HAUS8: variants seen among roughly 807,000 people sequenced by gnomAD.
The protein encoded by HAUS8 is HAUS augmin like complex subunit 8, also known as HAUS augmin-like complex subunit 8.
Under a neutral mutation model 42.9 loss-of-function variants are expected in HAUS8, and 38 were observed. The ratio of observed to expected loss-of-function variants is 0.89; its 90% confidence interval spans 0.68 to 1.16. The LOEUF (loss-of-function observed/expected upper bound fraction) is 1.16. Ranked by LOEUF, HAUS8 falls within the 50% of genes most tolerant of loss-of-function variation. The pLI is 0.00. For missense variants in HAUS8, 494 were observed against 511.6 expected (o/e 0.97, Z 0.33); for synonymous variants, 199 against 205.8 (o/e 0.97, Z 0.28).
intron 2 of HAUS8, among the ~76,000 whole-genome samples, chr19:17,071,017 C>T (rs547297019): frequency 6.6e-6 from 1 of 151,538 alleles, no homozygotes; most frequent in South Asian, 2.1e-4. Flanking sequence ...CTGCAGTGAG[C>T]CGAGATCGTG....
chr19:17,065,972 T>TAAA (rs61226830), intron 3 of HAUS8, among the ~76,000 whole-genome samples: 53 of 140,404 alleles, frequency 3.8e-4, no homozygotes, highest in Non-Finnish European at 5.0e-4. Flanking sequence ...TCTTATCTTC[T>TAAA]AAAAAAAAAA....
intron 3 of HAUS8, among the ~76,000 whole-genome samples, chr19:17,064,408 G>A (rs902327754): frequency 3.9e-5 from 6 of 152,204 alleles, no homozygotes; most frequent in Non-Finnish European, 8.8e-5. Context: ...AAAGGAACGA[G>A]AAGAGACTAA....
At chr19:17,054,520 C>T (rs1051833318) in intron 9 of HAUS8, among the ~76,000 whole-genome samples, 5 of 151,782 alleles carry the variant, frequency 3.3e-5, no homozygotes, top group Admixed American at 6.6e-5. Context: ...TAGCCAGGTG[C>T]GCCAGGAGCA....
Position 17,055,969 on chromosome 19 carries a change from T to G in HAUS8, c.679A>C (p.Thr227Pro). ...EMLSPFEAVA[T>P]RFKEQYRTFA... ...GTCCTGTATTGCTCCTTGAAGCGTG[T>G]GGCCACTGCCTCGAAGGGGCTGAGC... is the stretch of plus-strand genomic sequence containing the variant. Residue 227 changes from threonine to proline, a missense_variant, in exon 9 of 11, where the codon ACA (threonine) becomes CCA (proline). By Grantham distance (38) the Thr-to-Pro change is conservative (BLOSUM62 -1). Transcript: ENST00000253669. 6.2e-7 allele frequency: 1 copy of G among 1,614,164 alleles called. No homozygotes were observed. Among genetic ancestry groups the G allele is most frequent in the African/African-American group, 1.3e-5 (1 of 75,062 alleles).
At position 17,051,092 on chromosome 19, in the gene HAUS8, C is replaced by T. The variant is rs183031428; in HGVS notation, c.930-916G>A. Among the ~76,000 whole-genome samples, 32 of 152,114 alleles carry T rather than the reference C, an allele frequency of 2.1e-4. No individual in the cohort carries two copies. The Middle Eastern group carries it at 0.017, about 81-fold the overall frequency. On this transcript the variant is annotated intron_variant, in intron 10 of 10. Transcript: ENST00000253669. ...ATAATAATCCCCAATGTGGCAGCAGCGAGAGGTGGGGCCTTTAAGAGGTAA... is the reference window on the plus strand; with the variant it reads ...ATAATAATCCCCAATGTGGCAGCAGTGAGAGGTGGGGCCTTTAAGAGGTAA...
intron 10 of HAUS8, 197 bp downstream of exon 10, chr19:17,052,628 T>G: frequency 1.9e-6 from 1 of 522,938 alleles, no homozygotes; most frequent in South Asian, 3.1e-5. Flanking sequence ...GGAGATTTTG[T>G]TATCCACAAT....
Position 17,050,157 on chromosome 19 carries a change from C to A in HAUS8, c.949G>T (p.Glu317Ter). 1 of 1,512,802 alleles carries A rather than the reference C, an allele frequency of 6.6e-7. No individual in the cohort carries two copies. Among genetic ancestry groups the A allele is most frequent in the Non-Finnish European group, 8.8e-7 (1 of 1,130,104 alleles). The allele number at this position is 1,512,802 out of a possible 1,614,324, so 93.7% of individuals were successfully genotyped here. A position where few individuals can be genotyped will look rare whatever the true frequency, so the allele number is the denominator to read the frequency against. Residue 317 changes from glutamate (E) to a stop codon, truncating the protein, a stop_gained, in exon 11 of 11, where the codon GAA becomes TAA. Transcript: ENST00000253669. LOFTEE classifies it low-confidence loss of function (END_TRUNC). ...TCTTTGCTTGCCTCTGCGGAGAGTTCCAGCACCTGGGCAAAGCTCCTGTTG... is the reference window on the plus strand; with the variant it reads ...TCTTTGCTTGCCTCTGCGGAGAGTTACAGCACCTGGGCAAAGCTCCTGTTG... ...ELRRSFAQVL[E>*]LSAEASKEAA...
chr19:17,071,943 G>A (rs949108709), intron 2 of HAUS8, among the ~76,000 whole-genome samples: 2 of 152,054 alleles, frequency 1.3e-5, no homozygotes, highest in African/African-American at 2.4e-5. Flanking sequence ...CCGAGATCAC[G>A]CCACTGCATT....
intron 3 of HAUS8, 122 bp from the exon 4 acceptor site, chr19:17,062,901 A>G: frequency 1.4e-6 from 1 of 728,848 alleles, no homozygotes; most frequent in Non-Finnish European, 2.4e-6. Flanking sequence ...AGACATTTAA[A>G]GAGGTTTGAA....
intron 3 of HAUS8, among the ~76,000 whole-genome samples, chr19:17,064,677 C>T (rs984358608): frequency 6.6e-6 from 1 of 152,140 alleles, no homozygotes; most frequent in South Asian, 2.1e-4. Context: ...CATGAAAAAA[C>T]GAACTTTGAT....
intron 9 of HAUS8, chr19:17,055,113 A>AG (rs1406785391): frequency 6.8e-4 from 13 of 19,044 alleles, no homozygotes; most frequent in African/African-American, 3.1e-3. Context: ...CCGTCTCTAC[A>AG]GAAAAAAAAA....
chr19:17,060,135 C>T, intron 4 of HAUS8, 43 bp from the exon 5 acceptor site: 1 of 1,359,414 alleles, frequency 7.4e-7, no homozygotes. Context: ...AGTCAAGAGA[C>T]ACTCTCCATT....
intron 2 of HAUS8, among the ~76,000 whole-genome samples, chr19:17,071,644 G>T (rs1568643000): frequency 6.6e-6 from 1 of 152,190 alleles, no homozygotes; most frequent in Non-Finnish European, 1.5e-5. Flanking sequence ...GGCTGCCTTG[G>T]ACGGTGGGGA....
At chr19:17,069,113 A>G (rs764604752) in intron 2 of HAUS8, 27 bp from the exon 3 acceptor site, 1 of 1,604,664 alleles carries the variant, frequency 6.2e-7, no homozygotes, top group Non-Finnish European at 8.5e-7. Flanking sequence ...TTGGTGCACA[A>G]CAAAACTACA....
rs143118776 is a variant in HAUS8 at position 17,050,149 on chromosome 19, G to A, written c.957C>T (p.Ser319=). ...RRSFAQVLEL[S]AEASKEAALA... is the part of the protein sequence containing the mutation. ...AGGCTGCCTCTTTGCTTGCCTCTGC[G>A]GAGAGTTCCAGCACCTGGGCAAAGC... The change falls in exon 11 of 11, where the codon TCC becomes TCT. Residue 319 remains serine, a synonymous_variant. Transcript: ENST00000253669. The A allele has an allele frequency of 1.5e-4, 236 of 1,537,260 alleles. 1 individual carries two copies. The African/African-American group carries it at 2.1e-3, about 14-fold the overall frequency.
At chr19:17,066,024 T>C (rs543528862) in intron 3 of HAUS8, among the ~76,000 whole-genome samples, 5 of 151,684 alleles carry the variant, frequency 3.3e-5, no homozygotes, top group Middle Eastern at 3.5e-3. Flanking sequence ...TGGAGTGCAG[T>C]GGCTCACTGC....
chr19:17,064,876 A>G (rs1039733148), intron 3 of HAUS8, among the ~76,000 whole-genome samples: 19 of 152,246 alleles, frequency 1.2e-4, no homozygotes, highest in African/African-American at 4.1e-4. Context: ...GAAATCGTCA[A>G]CTACTGCCTC....
At chr19:17,060,121 G>C in intron 4 of HAUS8, 29 bp from the exon 5 acceptor site, 1 of 1,470,750 alleles carries the variant, frequency 6.8e-7, no homozygotes, top group Non-Finnish European at 9.5e-7. Flanking sequence ...CCGAAAGTCA[G>C]CACAGTCAAG....
Position 17,050,184 on chromosome 19 carries a change from G to C in HAUS8, c.930-8C>G, listed in dbSNP as rs778863522. On this transcript the variant is annotated splice_region_variant and splice_polypyrimidine_tract_variant and intron_variant, in intron 10 of 10. Transcript: ENST00000253669. ...AGCACCTGGGCAAAGCTCCTGTTGA[G>C]GATGGGAGAAAGAATAACGGCTTTC... is the stretch of plus-strand genomic sequence containing the variant. 4 of 1,477,498 alleles carry C rather than the reference G, an allele frequency of 2.7e-6. No individual in the cohort carries two copies. The Admixed American group carries it at 7.5e-5, about 28-fold the overall frequency. The allele number at this position is 1,477,498 out of a possible 1,614,324, so 91.5% of individuals were successfully genotyped here.
Sources: gnomAD v4.1 joint callset for allele counts (sites outside exome capture counted in the v4.1 genomes callset) on GRCh38, gnomAD v4.1.1 for gene constraint, MANE v1.5 for transcripts, NCBI Gene and HGNC (gene_info 2026-07-23, HGNC 2026-07-21) for gene names.